The following VPS54 variants were observed in gnomAD, a reference collection of about 807,000 sequenced individuals.
The protein encoded by VPS54 is VPS54 subunit of GARP complex.
A neutral mutation model predicts 121.5 loss-of-function variants in VPS54; 45 were observed. That is an observed-to-expected ratio of 0.37 (90% CI 0.29 to 0.47). The LOEUF (loss-of-function observed/expected upper bound fraction) is 0.47. Among genes scored for constraint, VPS54 ranks in the 20% least tolerant of loss-of-function variants. VPS54 has a pLI of 0.99. For synonymous variants in VPS54, 371 were observed against 385.8 expected (o/e 0.96, Z 0.45); for missense variants, 1,090 against 1,131.4 (o/e 0.96, Z 0.52).
Position 64,012,285 on chromosome 2 carries a change from TTA to T in VPS54, c.-21+6651_-21+6652del, listed in dbSNP as rs1339194354. Among the ~76,000 whole-genome samples the T allele has an allele frequency of 2.6e-5, 4 of 151,974 alleles. No individual in the cohort carries two copies. In the East Asian group the frequency reaches 7.7e-4, roughly 29 times the overall value. On this transcript the variant is annotated intron_variant, in intron 1 of 22. Coordinates refer to ENST00000272322, the MANE Select transcript of VPS54 (RefSeq NM_016516.3). ...ACAGTAAAATATGCTGATTACAAAT[TTA>T]TGAGTTCCAATCTCAGATGAGCCTC... is the stretch of plus-strand genomic sequence containing the variant.
At chr2:63,917,035 A>C in intron 15 of VPS54, 72 bp from the exon 16 acceptor site, 1 of 1,533,066 alleles carries the variant, frequency 6.5e-7, no homozygotes, top group Non-Finnish European at 9.0e-7. Context: ...GCTGAAGAAG[A>C]TAATTCCTGT....
chr2:63,953,467 T>C (rs1454302764), intron 7 of VPS54, among the ~76,000 whole-genome samples: 2 of 152,208 alleles, frequency 1.3e-5, no homozygotes, highest in African/African-American at 4.8e-5. Context: ...AAATGTATTA[T>C]ATATCTGTTT....
At chr2:63,984,161 G>T in intron 1 of VPS54, 142 bp from the exon 2 acceptor site, 1 of 674,942 alleles carries the variant, frequency 1.5e-6, no homozygotes. Flanking sequence ...TCTTAATTGG[G>T]AAAATTGATC....
intron 1 of VPS54, among the ~76,000 whole-genome samples, chr2:63,985,816 A>T (rs1176159550): frequency 6.6e-6 from 1 of 152,190 alleles, no homozygotes; most frequent in East Asian, 1.9e-4. Flanking sequence ...TGGGAAAATT[A>T]AGAGTCTTTG....
intron 1 of VPS54, among the ~76,000 whole-genome samples, chr2:64,005,019 C>G (rs1158466947): frequency 6.6e-6 from 1 of 150,886 alleles, no homozygotes; most frequent in African/African-American, 2.4e-5. Context: ...CTCAGGCAGT[C>G]CTCCCACATC....
chr2:63,963,233 C>T (rs939501606), intron 6 of VPS54, among the ~76,000 whole-genome samples: 5 of 151,704 alleles, frequency 3.3e-5, no homozygotes, highest in East Asian at 3.9e-4. Flanking sequence ...CTTAAAAGTT[C>T]GACAAATACC....
intron 21 of VPS54, among the ~76,000 whole-genome samples, chr2:63,898,599 T>C (rs890187238): frequency 5.9e-5 from 9 of 151,974 alleles, no homozygotes; most frequent in African/African-American, 2.2e-4. Flanking sequence ...CACCCTCTGC[T>C]CCCAAATACC....
chr2:63,926,732 C>T (rs936218918), intron 12 of VPS54, among the ~76,000 whole-genome samples: 2 of 152,176 alleles, frequency 1.3e-5, no homozygotes, highest in African/African-American at 4.8e-5. Context: ...CCTTTCCTAG[C>T]CAAGGGAAGC....
At chr2:63,920,071 A>G in intron 14 of VPS54, 76 bp from the exon 15 acceptor site, 1 of 1,239,702 alleles carries the variant, frequency 8.1e-7, no homozygotes, top group Non-Finnish European at 1.1e-6. Flanking sequence ...AAGAAAAGGA[A>G]GAAGAGCTGA....
At chr2:63,946,235 A>G (rs1472593674) in intron 9 of VPS54, among the ~76,000 whole-genome samples, 4 of 152,168 alleles carry the variant, frequency 2.6e-5, no homozygotes, top group Admixed American at 6.5e-5. Flanking sequence ...TCATTAATGT[A>G]TAGTATTCCA....
At chr2:63,981,571 A>C (rs1303980863) in intron 3 of VPS54, 75 bp downstream of exon 3, 2 of 1,470,722 alleles carry the variant, frequency 1.4e-6, no homozygotes, top group Non-Finnish European at 1.8e-6. Context: ...ACTGGTCAAA[A>C]ATCTATAATA....
intron 1 of VPS54, among the ~76,000 whole-genome samples, chr2:64,006,535 A>C (rs1347522928): frequency 6.6e-6 from 1 of 152,254 alleles, no homozygotes; most frequent in Non-Finnish European, 1.5e-5. Context: ...GGAATGTCAT[A>C]AGATTTAAAT....
intron 1 of VPS54, among the ~76,000 whole-genome samples, chr2:64,001,465 G>C (rs1677876777): frequency 6.6e-6 from 1 of 152,072 alleles, no homozygotes; most frequent in East Asian, 1.9e-4. Context: ...CTACAGCTGG[G>C]AATGTGCTGG....
chr2:63,989,694 C>T (rs530954179), intron 1 of VPS54, among the ~76,000 whole-genome samples: 2 of 152,252 alleles, frequency 1.3e-5, no homozygotes, highest in East Asian at 1.9e-4. Flanking sequence ...GTGAATTTGT[C>T]CAGGTTAACT....
At chr2:63,988,740 C>T (rs769530952) in intron 1 of VPS54, among the ~76,000 whole-genome samples, 4 of 151,938 alleles carry the variant, frequency 2.6e-5, no homozygotes, top group Non-Finnish European at 4.4e-5. Context: ...GTGATGATTG[C>T]GTTAACTGCA....
chr2:63,913,322 A>C lies in VPS54; in HGVS notation c.2335-12T>G, dbSNP rs766613351. On this transcript the variant is annotated splice_polypyrimidine_tract_variant and intron_variant, in intron 17 of 22. Coordinates refer to ENST00000272322, the MANE Select transcript of VPS54 (RefSeq NM_016516.3). Reference sequence around the variant, plus strand: ...CTTGAATTGAAGTACTAACAAAAGAAGGAGAAAAAAACCCCAAAATTTACT... The same window carrying C: ...CTTGAATTGAAGTACTAACAAAAGACGGAGAAAAAAACCCCAAAATTTACT... 6.2e-7 allele frequency: 1 copy of C among 1,600,402 alleles called. No individual in the cohort carries two copies. The highest frequency in any genetic ancestry group is 8.5e-7 in the Non-Finnish European group (1 of 1,174,674).
intron 12 of VPS54, among the ~76,000 whole-genome samples, chr2:63,924,714 A>G (rs924103020): frequency 1.3e-5 from 2 of 152,190 alleles, no homozygotes; most frequent in African/African-American, 4.8e-5. Flanking sequence ...ATTTTACTTA[A>G]TGGTACTGGT....
At chr2:63,921,426 G>A in intron 12 of VPS54, 91 bp from the exon 13 acceptor site, 1 of 1,401,278 alleles carries the variant, frequency 7.1e-7, no homozygotes. Flanking sequence ...TGAAAAAGCT[G>A]TAAAATTCAC....
intron 1 of VPS54, among the ~76,000 whole-genome samples, chr2:64,008,708 C>T (rs899587293): frequency 1.3e-5 from 2 of 151,996 alleles, no homozygotes; most frequent in African/African-American, 2.4e-5. Flanking sequence ...GGACTGCAGG[C>T]TCTGAAGGTT....
Sources: gnomAD v4.1 joint callset for allele counts (sites outside exome capture counted in the v4.1 genomes callset) on GRCh38, gnomAD v4.1.1 for gene constraint, MANE v1.5 for transcripts, NCBI Gene and HGNC (gene_info 2026-07-23, HGNC 2026-07-21) for gene names.